CKAP5: variants seen among roughly 807,000 people sequenced by gnomAD.
CKAP5 encodes the protein cytoskeleton associated protein 5.
A neutral mutation model predicts 232.8 loss-of-function variants in CKAP5; 27 were observed. That is an observed-to-expected ratio of 0.12 (90% CI 0.09 to 0.16). The LOEUF (loss-of-function observed/expected upper bound fraction) is 0.16. CKAP5 is among the 10% of genes least tolerant of loss of function. CKAP5 has a pLI of 1.00. For missense variants in CKAP5, 1,838 were observed against 2,424.7 expected (o/e 0.76, Z 5.08); for synonymous variants, 785 against 841.1 (o/e 0.93, Z 1.16).
At position 46,778,474 on chromosome 11, in the gene CKAP5, C is replaced by T. The variant is rs200909214; in HGVS notation, c.2559G>A (p.Pro853=). 7.3e-5 allele frequency: 118 copies of T among 1,614,026 alleles called. 1 individual carries two copies. The highest frequency in any genetic ancestry group is 1.7e-5 in the Admixed American group (1 of 60,000). Reference sequence around the variant, plus strand: ...CTGGAACCTACCTGATCTCCGTCCTCGGCAAAAGATCAACGACATCATTGC... The same window carrying T: ...CTGGAACCTACCTGATCTCCGTCCTTGGCAAAAGATCAACGACATCATTGC... ...DGSNDVVDLL[P]RTEISDKITS... Residue 853 remains proline, a synonymous_variant, in exon 21 of 44, where the codon CCG becomes CCA. Transcript: ENST00000529230.
At chr11:46,763,215 G>C (rs1303241096) in intron 29 of CKAP5, 36 bp from the exon 30 acceptor site, 3 of 1,458,340 alleles carry the variant, frequency 2.1e-6, no homozygotes, top group Non-Finnish European at 9.4e-7. Context: ...CCACAAATAA[G>C]AATAATCAAA....
intron 1 of CKAP5, among the ~76,000 whole-genome samples, chr11:46,827,913 T>C (rs1413550593): frequency 1.3e-5 from 2 of 152,200 alleles, no homozygotes; most frequent in African/African-American, 2.4e-5. Flanking sequence ...TGAATCCTAG[T>C]TTACAAGGTT....
rs879669675 is a variant in CKAP5 at position 46,800,000 on chromosome 11, C to CA, written c.1083+1199dup. On this transcript the variant is annotated intron_variant, in intron 9 of 43. Coordinates refer to ENST00000529230, the MANE Select transcript of CKAP5 (RefSeq NM_001008938.4). ...TGGGTGACAAAGTGAGACCCTGTCTCAAAAAAAAAAAACTAAAATTATTCT... is the reference window on the plus strand; with the variant it reads ...TGGGTGACAAAGTGAGACCCTGTCTCAAAAAAAAAAAAACTAAAATTATTCT... Among the ~76,000 whole-genome samples, 983 of 123,366 alleles carry CA rather than the reference C, an allele frequency of 8.0e-3. 7 individuals are homozygous for CA. The highest frequency in any genetic ancestry group is 0.02 in the African/African-American group (658 of 33,492). 80.9% of individuals were successfully genotyped at this position (123,366 alleles called of 152,430 possible). A position where few individuals can be genotyped will look rare whatever the true frequency, so the allele number is the denominator to read the frequency against.
intron 1 of CKAP5, 57 bp downstream of exon 1, chr11:46,846,163 C>G (rs1214666886): frequency 1.3e-5 from 2 of 152,268 alleles, no homozygotes; most frequent in Non-Finnish European, 2.9e-5. Flanking sequence ...CTCCTCTGCG[C>G]GCGCGATGCC....
intron 18 of CKAP5, among the ~76,000 whole-genome samples, chr11:46,781,490 C>T (rs2065341637): frequency 6.6e-6 from 1 of 152,144 alleles, no homozygotes; most frequent in Non-Finnish European, 1.5e-5. Flanking sequence ...CATGACCTAG[C>T]CCCTATTCTT....
intron 42 of CKAP5, among the ~76,000 whole-genome samples, chr11:46,747,601 C>CA (rs560103390): frequency 0.058 from 3,565 of 61,694 alleles, 70 homozygotes; most frequent in Non-Finnish European, 0.071. Context: ...GACTTCATCT[C>CA]AAAAAAAAAA....
intron 37 of CKAP5, 41 bp downstream of exon 37, chr11:46,753,269 G>A (rs370599536): frequency 6.7e-6 from 10 of 1,491,808 alleles, no homozygotes; most frequent in Non-Finnish European, 9.0e-6. Context: ...AAACAAAAGC[G>A]AGGATGCCCC....
intron 28 of CKAP5, 102 bp downstream of exon 28, chr11:46,765,025 CACTT>C: frequency 2.0e-6 from 2 of 1,021,580 alleles, no homozygotes; most frequent in East Asian, 2.6e-5. Flanking sequence ...GCAAAAGAAA[CACTT>C]AATTCCTAGA....
intron 8 of CKAP5, among the ~76,000 whole-genome samples, chr11:46,802,551 C>CAG (rs1156832407): frequency 2.2e-5 from 3 of 138,784 alleles, no homozygotes; most frequent in East Asian, 2.1e-4. Flanking sequence ...GACAGACAGA[C>CAG]AGACAGACAC....
rs572544212 is a variant in CKAP5, at chr11:46,773,820, G to C, written c.2991+2435C>G. On this transcript the variant is annotated intron_variant, in intron 24 of 43. Coordinates refer to ENST00000529230, the MANE Select transcript of CKAP5 (RefSeq NM_001008938.4). The stretch of plus-strand genomic sequence containing the variant: ...GGCCTCCCAAAGTGCTGGGATTACA[G>C]GCATGAGTCACTGCACCCAGCCTCT... Among the ~76,000 whole-genome samples, 26 of 152,250 alleles carry C rather than the reference G, an allele frequency of 1.7e-4. No individual in the cohort carries two copies. The East Asian group carries it at 4.8e-3, about 28-fold the overall frequency.
chr11:46,797,748 G>A, intron 11 of CKAP5, 57 bp downstream of exon 11: 2 of 1,519,100 alleles, frequency 1.3e-6, no homozygotes, highest in Non-Finnish European at 1.8e-6. Flanking sequence ...ATAATTTGCA[G>A]GAAAAGAATC....
At chr11:46,814,131 CAAAAAAAAAAAA>C (rs60142188) in intron 4 of CKAP5, among the ~76,000 whole-genome samples, 2 of 81,266 alleles carry the variant, frequency 2.5e-5, no homozygotes, top group East Asian at 4.1e-4. Context: ...GACCTTGTCT[CAAAAAAAAAAAA>C]AAAAAAAAAA....
chr11:46,780,395 A>C (rs747257637), intron 19 of CKAP5, 33 bp downstream of exon 19: 1 of 1,613,532 alleles, frequency 6.2e-7, no homozygotes, highest in Non-Finnish European at 8.5e-7. Context: ...CAAAGATGGC[A>C]ATACTGCCCT....
At chr11:46,745,148 C>CA (rs2065013235) in intron 42 of CKAP5, among the ~76,000 whole-genome samples, 1 of 152,112 alleles carries the variant, frequency 6.6e-6, no homozygotes, top group Non-Finnish European at 1.5e-5. Flanking sequence ...ACCAAAACAA[C>CA]AAAAAATCCA....
rs2065002209 is a variant in CKAP5, at chr11:46,743,827, C to T, written c.*196G>A. Reference sequence around the variant, plus strand: ...ACTAAACTCATCCACGGACAGTCTTCTAGAGCAGCAGGACGCTGACAGAGA... The same window carrying T: ...ACTAAACTCATCCACGGACAGTCTTTTAGAGCAGCAGGACGCTGACAGAGA... On this transcript the variant is annotated 3_prime_UTR_variant, in exon 44 of 44. Coordinates refer to ENST00000529230, the MANE Select transcript of CKAP5 (RefSeq NM_001008938.4). The T allele has an allele frequency of 6.1e-6, 4 of 657,792 alleles. No homozygotes were observed. The highest frequency in any genetic ancestry group is 1.0e-5 in the Non-Finnish European group (4 of 391,068). 40.7% of individuals were successfully genotyped at this position (657,792 alleles called of 1,614,324 possible).
intron 1 of CKAP5, 101 bp from the exon 2 acceptor site, chr11:46,821,369 G>C: frequency 2.0e-6 from 1 of 494,936 alleles, no homozygotes; most frequent in Non-Finnish European, 3.6e-6. Context: ...GCAACAACAA[G>C]AGTAAAAATC....
intron 18 of CKAP5, 130 bp from the exon 19 acceptor site, chr11:46,780,615 CTTTAT>C (rs892907959): frequency 4.8e-5 from 33 of 693,580 alleles, no homozygotes; most frequent in Admixed American, 1.3e-4. Context: ...CCTACACTAA[CTTTAT>C]TTTATTTTAT....
chr11:46,790,184 T>C lies in CKAP5; in HGVS notation c.1767A>G (p.Ile589Met). ...CTGAAGCTTTTTCTTCACATACTTC[T>C]ATCTGTAAGATACAAAAACATATTA... ...TKEIVEPELS[I>M]EVCEEKASAV... is the part of the protein sequence containing the mutation. Residue 589 changes from isoleucine (I) to methionine (M), a missense_variant and splice_region_variant, in exon 15 of 44, where the codon ATA (isoleucine) becomes ATG (methionine). Coordinates refer to ENST00000529230, the MANE Select transcript of CKAP5 (RefSeq NM_001008938.4). The C allele has an allele frequency of 4.4e-6, 7 of 1,587,654 alleles. No homozygotes were observed. The highest frequency in any genetic ancestry group is 6.0e-6 in the Non-Finnish European group (7 of 1,157,958).
intron 4 of CKAP5, among the ~76,000 whole-genome samples, chr11:46,815,657 G>A (rs954325696): frequency 1.3e-5 from 2 of 152,206 alleles, no homozygotes; most frequent in African/African-American, 4.8e-5. Context: ...TCATTAGAAA[G>A]GGATTCAGAT....
Sources: allele counts gnomAD v4.1 joint callset (sites outside exome capture counted in the v4.1 genomes callset), GRCh38; gene constraint gnomAD v4.1.1; transcripts MANE v1.5; gene names NCBI Gene and HGNC (gene_info 2026-07-23, HGNC 2026-07-21).